The following DNAJA3 variants were observed in gnomAD, a reference collection of about 807,000 sequenced individuals.
The protein encoded by DNAJA3 is DnaJ heat shock protein family (Hsp40) member A3.
A neutral mutation model predicts 54.9 loss-of-function variants in DNAJA3; 29 were observed. The observed-to-expected ratio is 0.53, with a 90% CI of 0.39 to 0.72. The LOEUF is 0.72. Ranked by LOEUF, DNAJA3 falls within the 30% of genes least tolerant of loss-of-function variation. The probability of loss-of-function intolerance (pLI) is 0.00; values close to 1 mark genes in which losing one functional copy is unlikely to be tolerated. For missense variants in DNAJA3, 708 were observed against 639.4 expected (o/e 1.11, Z -1.16); for synonymous variants, 302 against 251.4 (o/e 1.20, Z -1.90).
chr16:4,426,449 G>A (rs964293764), intron 1 of DNAJA3, among the ~76,000 whole-genome samples: 5 of 152,200 alleles, frequency 3.3e-5, no homozygotes, highest in African/African-American at 9.7e-5. Context: ...ATTCGGAGAG[G>A]CCTAGGTACT....
At chr16:4,455,011 G>GC in intron 11 of DNAJA3, 84 bp downstream of exon 11, 1 of 935,832 alleles carries the variant, frequency 1.1e-6, no homozygotes, top group Non-Finnish European at 1.7e-6. Context: ...CCAATATTGT[G>GC]CCCCCACCCC....
chr16:4,448,677 CTT>C (rs1298906113), intron 8 of DNAJA3, 54 bp from the exon 9 acceptor site: 10 of 1,307,506 alleles, frequency 7.6e-6, no homozygotes, highest in Admixed American at 1.9e-5. Flanking sequence ...GTAGTGAAAA[CTT>C]TTTATTTGAG....
Position 4,454,873 on chromosome 16 carries a change from G to A in DNAJA3, c.1402G>A (p.Glu468Lys), listed in dbSNP as rs780760621. The A allele has an allele frequency of 2.0e-5, 33 of 1,614,010 alleles. No homozygotes were observed. The highest frequency in any genetic ancestry group is 2.6e-5 in the Non-Finnish European group (31 of 1,179,998). ...TAGGCGTGAGGCTGGGGAGGACGAG[G>A]AGGGATTCCTTTCCAAACTTAAGAA... ...KARREAGEDE[E>K]GFLSKLKKMF... Residue 468 changes from glutamate to lysine, a missense_variant, in exon 11 of 12, where the codon GAG becomes AAG. Physicochemically the swap from Glu to Lys is moderately conservative, Grantham distance 56 (BLOSUM62 1). Coordinates refer to ENST00000262375, the MANE Select transcript of DNAJA3 (RefSeq NM_005147.6).
rs1207115735 is a variant in DNAJA3, at chr16:4,434,148, G to A, written c.212-236G>A. The A allele has an allele frequency of 2.3e-5, 11 of 488,660 alleles. No individual in the cohort carries two copies. In the East Asian group the frequency reaches 3.9e-4, roughly 18 times the overall value. The allele number at this position is 488,660 out of a possible 1,614,324, so 30.3% of individuals were successfully genotyped here. A position where few individuals can be genotyped will look rare whatever the true frequency, so the allele number is the denominator to read the frequency against. On this transcript the variant is annotated intron_variant, in intron 1 of 11. Coordinates refer to ENST00000262375, the MANE Select transcript of DNAJA3 (RefSeq NM_005147.6). ...TCAGATCTCATGAGAACTTACTATCGCGAGACCAGCATGGAGGTAACCGCT... is the reference window on the plus strand; with the variant it reads ...TCAGATCTCATGAGAACTTACTATCACGAGACCAGCATGGAGGTAACCGCT...
chr16:4,451,752 G>GGAA (rs1555488543), intron 10 of DNAJA3, among the ~76,000 whole-genome samples: 6 of 41,858 alleles, frequency 1.4e-4, no homozygotes, highest in African/African-American at 7.1e-4. Flanking sequence ...GAGACTCTCT[G>GGAA]AAAAAAAAAA....
chr16:4,447,992 G>C (rs541903864), intron 8 of DNAJA3: 1 of 148,010 alleles, frequency 6.8e-6, no homozygotes, highest in African/African-American at 2.5e-5. Context: ...ATTAAAAGGC[G>C]TGAGCCACTG....
In DNAJA3 at chr16:4,443,183, C is replaced by T; in HGVS notation, c.931+19C>T. The T allele has an allele frequency of 1.2e-6, 2 of 1,613,366 alleles. No individual in the cohort carries two copies. Among genetic ancestry groups the T allele is most frequent in the Non-Finnish European group, 1.7e-6 (2 of 1,179,794 alleles). The stretch of plus-strand genomic sequence containing the variant: ...CCTGCAGGTGGGTGCTTGGGCCCGC[C>T]ATGTCCAGGAGCTTGGAGAGGGCAG... On this transcript the variant is annotated intron_variant, in intron 6 of 11. Coordinates refer to ENST00000262375, the MANE Select transcript of DNAJA3 (RefSeq NM_005147.6).
intron 1 of DNAJA3, among the ~76,000 whole-genome samples, chr16:4,428,197 C>T (rs945271763): frequency 3.9e-5 from 6 of 151,946 alleles, no homozygotes; most frequent in Admixed American, 6.6e-5. Flanking sequence ...GTGATCCACC[C>T]GCCTCAGCCT....
intron 11 of DNAJA3, among the ~76,000 whole-genome samples, 171 bp downstream of exon 11, chr16:4,455,098 T>C (rs2057020235): frequency 1.3e-5 from 2 of 152,156 alleles, no homozygotes; most frequent in Admixed American, 6.5e-5. Context: ...GCCTAGGGAA[T>C]AGATGACGTG....
rs141763240 is a variant in DNAJA3 at position 4,434,411 on chromosome 16, C to G, written c.239C>G (p.Thr80Ser). 7.4e-6 allele frequency: 12 copies of G among 1,613,382 alleles called. No individual in the cohort carries two copies. The highest frequency in any genetic ancestry group is 1.0e-5 in the Non-Finnish European group (12 of 1,179,916). ...TGTKHNPFIC[T>S]ASFHTSAPLA... is the part of the protein sequence containing the mutation. ...ACAAAACATAACCCTTTCATTTGTA[C>G]TGCCTCCTTCCACACGAGTGCCCCT... The change falls in exon 2 of 12, where the codon ACT (threonine) becomes AGT (serine). Residue 80 changes from threonine (T) to serine (S), a missense_variant. Physicochemically the swap from Thr to Ser is moderately conservative, Grantham distance 58 (BLOSUM62 1). Transcript: ENST00000262375.
In DNAJA3 at chr16:4,441,536, A is replaced by T. The variant is rs1260252929; in HGVS notation, c.591A>T (p.Ser197=). 1 of 1,614,152 alleles carries T rather than the reference A, an allele frequency of 6.2e-7. No individual in the cohort carries two copies. Among genetic ancestry groups the T allele is most frequent in the Non-Finnish European group, 8.5e-7 (1 of 1,180,046 alleles). ...RKIFGEFSSS[S]FGDFQTVFDQ... is the part of the protein sequence containing the mutation. Reference sequence around the variant, plus strand: ...TCTTTGGCGAGTTCTCATCCTCTTCATTTGGAGATTTCCAGACCGTGTTTG... The same window carrying T: ...TCTTTGGCGAGTTCTCATCCTCTTCTTTTGGAGATTTCCAGACCGTGTTTG... The change falls in exon 4 of 12, where the codon TCA becomes TCT. Residue 197 remains serine, a synonymous_variant. Transcript: ENST00000262375.
chr16:4,434,563 GTT>G, intron 2 of DNAJA3, 46 bp downstream of exon 2: 5 of 1,597,840 alleles, frequency 3.1e-6, no homozygotes, highest in Non-Finnish European at 4.3e-6. Context: ...TAGTAGGAAT[GTT>G]GTTGATCCCA....
At chr16:4,436,240 A>AG (rs2056770835) in intron 2 of DNAJA3, among the ~76,000 whole-genome samples, 1 of 152,136 alleles carries the variant, frequency 6.6e-6, no homozygotes, top group African/African-American at 2.4e-5. Flanking sequence ...CTGGCCTGTG[A>AG]AGAGCGAATG....
At chr16:4,450,224 C>T in intron 9 of DNAJA3, 176 bp from the exon 10 acceptor site, 3 of 556,170 alleles carry the variant, frequency 5.4e-6, no homozygotes, top group Non-Finnish European at 9.6e-6. Context: ...CTTTTCTGTA[C>T]AGAAGCTTTG....
intron 8 of DNAJA3, chr16:4,447,305 G>T: frequency 2.8e-6 from 1 of 355,448 alleles, no homozygotes; most frequent in Non-Finnish European, 5.2e-6. Flanking sequence ...ACCCTGGGTT[G>T]TGCTCTCTGC....
chr16:4,455,465 A>G lies in DNAJA3; in HGVS notation c.*14-81A>G, dbSNP rs527639909. 10 of 1,503,230 alleles carry G rather than the reference A, an allele frequency of 6.7e-6. No homozygotes were observed. The South Asian group carries it at 9.6e-5, about 14-fold the overall frequency. 93.1% of individuals were successfully genotyped at this position (1,503,230 alleles called of 1,614,324 possible). On this transcript the variant is annotated intron_variant, in intron 11 of 11. Transcript: ENST00000262375. ...CCCTCTCTTGGCACAGCTGCTTTCC[A>G]GGGATTAACAGACGCTCCCCACAGG...
At chr16:4,444,831 T>G in intron 7 of DNAJA3, 103 bp downstream of exon 7, 1 of 1,083,450 alleles carries the variant, frequency 9.2e-7, no homozygotes, top group Admixed American at 2.2e-5. Context: ...GGAACATGTC[T>G]CGCCATTCAT....
chr16:4,449,110 C>A (rs1284236115), intron 9 of DNAJA3, among the ~76,000 whole-genome samples: 4 of 152,174 alleles, frequency 2.6e-5, no homozygotes, highest in Non-Finnish European at 5.9e-5. Context: ...GATTCTCCTG[C>A]CTCAGCCTCC....
intron 2 of DNAJA3, among the ~76,000 whole-genome samples, chr16:4,436,685 G>C (rs374242712): frequency 5.9e-5 from 9 of 152,000 alleles, no homozygotes; most frequent in Non-Finnish European, 1.2e-4. Context: ...ATAGGCGCGT[G>C]TGACCATACC....
Sources: allele counts gnomAD v4.1 joint callset (sites outside exome capture counted in the v4.1 genomes callset), GRCh38; gene constraint gnomAD v4.1.1; transcripts MANE v1.5; gene names NCBI Gene and HGNC (gene_info 2026-07-23, HGNC 2026-07-21).